The following DLEC1 variants were observed in gnomAD, a reference collection of about 807,000 sequenced individuals.
The protein encoded by DLEC1 is DLEC1 cilia and flagella associated protein, also known as deleted in lung and esophageal cancer protein 1.
Under a neutral mutation model 198.1 loss-of-function variants are expected in DLEC1, and 146 were observed. That is an observed-to-expected ratio of 0.74 (90% confidence interval 0.64 to 0.85). The LOEUF is 0.85. DLEC1 is among the 40% of genes least tolerant of loss of function. The pLI, the probability that DLEC1 is intolerant of heterozygous loss-of-function variation, is 0.00. For synonymous variants in DLEC1, 897 were observed against 866.8 expected (o/e 1.03, Z -0.61); for missense variants, 2,233 against 2,220.0 (o/e 1.01, Z -0.12).
rs912218195 is a variant in DLEC1 at position 38,086,752 on chromosome 3, C to T, written c.1572+375C>T. 7.2e-5 allele frequency among the ~76,000 whole-genome samples: 11 copies of T among 152,324 alleles called. No individual in the cohort carries two copies. The South Asian group carries it at 2.3e-3, about 32-fold the overall frequency. On this transcript the variant is annotated intron_variant, in intron 9 of 36. Transcript: ENST00000308059. ...CTGCTGGTATTTGTTTGGCACAGCA[C>T]TTAACATTTTCTGAGCCAACATTTA...
intron 3 of DLEC1, 36 bp downstream of exon 3, chr3:38,059,888 T>C: frequency 1.3e-6 from 2 of 1,592,046 alleles, no homozygotes; most frequent in Non-Finnish European, 1.7e-6. Context: ...TCTGATACCA[T>C]TTGGGGGAAG....
chr3:38,040,723 C>G (rs1375684758), intron 1 of DLEC1, among the ~76,000 whole-genome samples: 1 of 152,226 alleles, frequency 6.6e-6, no homozygotes, highest in Non-Finnish European at 1.5e-5. Flanking sequence ...AACCCCATGA[C>G]CAGTCACCCA....
intron 2 of DLEC1, among the ~76,000 whole-genome samples, chr3:38,048,448 C>T (rs1472519621): frequency 6.6e-6 from 1 of 152,236 alleles, no homozygotes; most frequent in Non-Finnish European, 1.5e-5. Flanking sequence ...GATACAGTGC[C>T]TTAAAAGGCA....
rs755044364 is a variant in DLEC1, at chr3:38,097,603, C to A, written c.2531C>A (p.Ser844Ter). The change falls in exon 17 of 37, where the codon TCG (serine) becomes TAG (stop). Residue 844 changes from serine to a stop codon, truncating the protein, a stop_gained. Coordinates refer to ENST00000308059, the MANE Select transcript of DLEC1 (RefSeq NM_007335.4). LOFTEE classifies it high-confidence loss of function. ...DLLCEIEDSPSPVVLHIEAVF... is the reference protein window; with the variant it reads ...DLLCEIEDSP The stretch of plus-strand genomic sequence containing the variant: ...CTGTGTGAAATCGAAGACTCGCCCT[C>A]GCCAGTGGTGTTACACATTGAGGCT... 1.9e-6 allele frequency: 3 copies of A among 1,614,178 alleles called. No homozygotes were observed. Among genetic ancestry groups the A allele is most frequent in the Non-Finnish European group, 2.5e-6 (3 of 1,180,034 alleles).
At chr3:38,076,158 G>C (rs2125645058) in intron 6 of DLEC1, among the ~76,000 whole-genome samples, 1 of 152,344 alleles carries the variant, frequency 6.6e-6, no homozygotes, top group East Asian at 1.9e-4. Context: ...CGCCAAGATT[G>C]AAAGGAGAAA....
chr3:38,046,782 T>C (rs143814360), intron 2 of DLEC1, among the ~76,000 whole-genome samples: 4 of 152,212 alleles, frequency 2.6e-5, no homozygotes, highest in African/African-American at 9.6e-5. Context: ...TGTGGCTTTT[T>C]CCCCCCCTCA....
Position 38,095,953 on chromosome 3 carries a change from GA to G in DLEC1, c.2171+10del. 1 of 1,613,442 alleles carries G rather than the reference GA, an allele frequency of 6.2e-7. No homozygotes were observed. The highest frequency in any genetic ancestry group is 1.3e-5 in the African/African-American group (1 of 75,038). On this transcript the variant is annotated splice_region_variant and intron_variant, in intron 14 of 36. Transcript: ENST00000308059. ...AAGTCCCAGAGCCTGTAAGGTGAGA[GA>G]AACTGGGCCCTGGATGAGAAGTGGG...
chr3:38,055,956 A>G (rs1459284575), intron 2 of DLEC1, among the ~76,000 whole-genome samples: 2 of 152,164 alleles, frequency 1.3e-5, no homozygotes, highest in African/African-American at 2.4e-5. Flanking sequence ...TGCTGGCTCA[A>G]GCCTGTAATC....
intron 6 of DLEC1, among the ~76,000 whole-genome samples, chr3:38,082,008 T>A (rs1339466941): frequency 8.2e-6 from 1 of 122,600 alleles, no homozygotes; most frequent in Non-Finnish European, 1.7e-5. Flanking sequence ...ACGGGGCAGC[T>A]GCCGGGCGGA....
At chr3:38,103,868 C>T (rs1231855276) in intron 19 of DLEC1, 3 of 152,110 alleles carry the variant, frequency 2.0e-5, no homozygotes, top group African/African-American at 7.2e-5. Context: ...ACCAGTTGAG[C>T]CCATTATCGT....
rs146903064 is a variant in DLEC1, at chr3:38,076,493, G to A, written c.1174-7665G>A. Among the ~76,000 whole-genome samples the A allele has an allele frequency of 4.8e-3, 733 of 152,006 alleles. 9 individuals carry two copies. Among genetic ancestry groups the A allele is most frequent in the African/African-American group, 0.017 (696 of 41,420 alleles). On this transcript the variant is annotated intron_variant, in intron 6 of 36. Coordinates refer to ENST00000308059, the MANE Select transcript of DLEC1 (RefSeq NM_007335.4). ...TCTCTGGCAGGCAGGAGTGGGGGTC[G>A]CAAAGTACTCAGTGGGGGAGCTTTT...
intron 1 of DLEC1, among the ~76,000 whole-genome samples, chr3:38,043,868 A>G (rs1056708767): frequency 6.6e-6 from 1 of 152,086 alleles, no homozygotes; most frequent in Non-Finnish European, 1.5e-5. Flanking sequence ...TACACAATAA[A>G]TCTTTATTAA....
intron 1 of DLEC1, among the ~76,000 whole-genome samples, chr3:38,042,731 ATTTTTAGTAAAGACAGGGT>A (rs1301005932): frequency 2.0e-5 from 3 of 151,750 alleles, no homozygotes; most frequent in African/African-American, 4.8e-5. Context: ...AATTTTTTGT[ATTTTTAGTAAAGACAGGGT>A]TTCACTATGT....
intron 2 of DLEC1, among the ~76,000 whole-genome samples, chr3:38,054,279 G>T (rs1431893617): frequency 6.6e-6 from 1 of 152,148 alleles, no homozygotes; most frequent in Admixed American, 6.5e-5. Flanking sequence ...TGGCAGCTGC[G>T]TGATCTGGAA....
rs1430979775 is a variant in DLEC1, at chr3:38,084,359, GGTA to G, written c.1261+126_1261+128del. On this transcript the variant is annotated intron_variant, in intron 7 of 36. Coordinates refer to ENST00000308059, the MANE Select transcript of DLEC1 (RefSeq NM_007335.4). ...TAGCAATGATAGTAGTAGTGGTGGT[GGTA>G]GTAGTAGTAGTGATGGTGGTAGTAG... 427 of 850,272 alleles carry G rather than the reference GGTA, an allele frequency of 5.0e-4. 9 individuals are homozygous for G. The highest frequency in any genetic ancestry group is 3.9e-3 in the African/African-American group (190 of 49,280). The allele number at this position is 850,272 out of a possible 1,614,324, so 52.7% of individuals were successfully genotyped here.
chr3:38,067,597 GGTTGATGCT>G (rs1181504385), intron 6 of DLEC1, among the ~76,000 whole-genome samples: 8 of 152,240 alleles, frequency 5.3e-5, no homozygotes, highest in African/African-American at 1.7e-4. Context: ...TAAAAGTTGG[GGTTGATGCT>G]GTTGATGCTG....
chr3:38,093,608 T>C lies in DLEC1; in HGVS notation c.1760T>C (p.Ile587Thr). 1.2e-6 allele frequency: 2 copies of C among 1,614,164 alleles called. No homozygotes were observed. The highest frequency in any genetic ancestry group is 1.7e-6 in the Non-Finnish European group (2 of 1,180,030). ...CQIKELVTIG[I>T]GQLIALDLIY... The stretch of plus-strand genomic sequence containing the variant: ...TTCACTTACTCTACTTTGGCAGGAA[T>C]TGGGCAGCTGATTGCTTTGGATCTG... Residue 587 changes from isoleucine to threonine, a missense_variant, in exon 12 of 37, where the codon ATT becomes ACT. Physicochemically the swap from Ile to Thr is moderately conservative, Grantham distance 89 (BLOSUM62 -1). Coordinates refer to ENST00000308059, the MANE Select transcript of DLEC1 (RefSeq NM_007335.4).
At chr3:38,054,731 G>T (rs1164243487) in intron 2 of DLEC1, among the ~76,000 whole-genome samples, 1 of 152,222 alleles carries the variant, frequency 6.6e-6, no homozygotes, top group African/African-American at 2.4e-5. Flanking sequence ...GTGAGAACAT[G>T]CATGGTGGGT....
chr3:38,112,307 CAT>C lies in DLEC1; in HGVS notation c.3613_3614del (p.Ile1205HisfsTer48), dbSNP rs770799017. On this transcript the variant is annotated frameshift_variant, in exon 25 of 37. Coordinates refer to ENST00000308059, the MANE Select transcript of DLEC1 (RefSeq NM_007335.4). LOFTEE classifies it high-confidence loss of function. The surrounding 1 kb of genome is among the most constrained non-coding windows in gnomAD (Gnocchi z 4.8). ...GGCCCTACCAGCAGCTGTGCATTGA[CAT>C]CACAGGCTGTGCCAACATGTGGGGC... ...LGPYQQLCID[I>X]TGCANMWGEY... is the part of the protein sequence containing the mutation. The C allele has an allele frequency of 1.9e-6, 3 of 1,614,178 alleles. No individual in the cohort carries two copies. Among genetic ancestry groups the C allele is most frequent in the Non-Finnish European group, 1.7e-6 (2 of 1,180,016 alleles).
Sources: gnomAD v4.1 joint callset for allele counts (sites outside exome capture counted in the v4.1 genomes callset) on GRCh38, gnomAD v4.1.1 for gene constraint, Gnocchi (gnomAD v3.1) non-coding constraint, MANE v1.5 for transcripts, NCBI Gene and HGNC (gene_info 2026-07-23, HGNC 2026-07-21) for gene names.